UNC13C: variants seen among roughly 807,000 people sequenced by gnomAD.
UNC13C encodes unc-13 homolog C, also known as protein unc-13 homolog C.
In UNC13C, 174 loss-of-function variants were observed where a neutral mutation model predicts 245.4. The observed-to-expected ratio is 0.71, with a 90% CI of 0.63 to 0.80. UNC13C has a LOEUF of 0.80. Among genes scored for constraint, UNC13C ranks in the 30% least tolerant of loss-of-function variants. The probability of loss-of-function intolerance (pLI) is 0.00; values close to 1 mark genes in which losing one functional copy is unlikely to be tolerated. For synonymous variants in UNC13C, 992 were observed against 895.1 expected, an observed-to-expected ratio of 1.11 and a Z score of -1.93; for missense variants, 2,829 against 2,602.9, an observed-to-expected ratio of 1.09 and a Z score of -1.89.
chr15:54,549,624 T>C lies in UNC13C; in HGVS notation c.5821-11T>C. 2 of 1,595,984 alleles carry C rather than the reference T, an allele frequency of 1.3e-6. No individual in the cohort carries two copies. The highest frequency in any genetic ancestry group is 1.7e-6 in the Non-Finnish European group (2 of 1,170,986). ...AGACTGAGTCTTCTCTCACTTTTTC[T>C]TTGTTTCTAGGGACCCCAGATGATT... is the stretch of plus-strand genomic sequence containing the variant. On this transcript the variant is annotated splice_polypyrimidine_tract_variant and intron_variant, in intron 27 of 32. Coordinates refer to ENST00000260323, the MANE Select transcript of UNC13C (RefSeq NM_001080534.3).
rs902528063 is a variant in UNC13C, at chr15:53,978,449, C to A, written c.-735C>A. On this transcript the variant is annotated 5_prime_UTR_variant, in exon 1 of 33. Transcript: ENST00000260323. ...GTGCCGGTGCTGCATTCAGAAAAGA[C>A]TCAGCCGCAGCCGGCGATGTGTGAA... 6.6e-6 allele frequency among the ~76,000 whole-genome samples: 1 copy of A among 152,290 alleles called. No individual in the cohort carries two copies. Among genetic ancestry groups the A allele is most frequent in the African/African-American group, 2.4e-5 (1 of 41,564 alleles).
the UNC13C span, among the ~76,000 whole-genome samples, chr15:53,919,791 T>C: frequency 5.9e-5 from 9 of 152,218 alleles, no homozygotes; most frequent in African/African-American, 1.9e-4. Context: ...TAACATGCTA[T>C]AGGATTCTCA....
intron 30 of UNC13C, among the ~76,000 whole-genome samples, chr15:54,585,210 T>C (rs1444899922): frequency 6.6e-6 from 1 of 152,202 alleles, no homozygotes; most frequent in Non-Finnish European, 1.5e-5. Flanking sequence ...GGCAGGTGTT[T>C]GGGTCACGGG....
chr15:54,096,426 C>T (rs2414270), intron 2 of UNC13C, among the ~76,000 whole-genome samples: 35,749 of 151,922 alleles, frequency 0.24, 4,625 homozygotes, highest in African/African-American at 0.34. Context: ...ATATAGTATT[C>T]TGGAGCCTGT....
intron 16 of UNC13C, among the ~76,000 whole-genome samples, chr15:54,336,779 G>T (rs1250560664): frequency 6.6e-6 from 1 of 151,872 alleles, no homozygotes; most frequent in Non-Finnish European, 1.5e-5. Flanking sequence ...AAATTAAATT[G>T]ACCATATATG....
chr15:54,024,787 C>T (rs763451695), intron 2 of UNC13C, among the ~76,000 whole-genome samples: 3 of 152,006 alleles, frequency 2.0e-5, no homozygotes, highest in Middle Eastern at 3.2e-3. Context: ...TGGTCCCGGG[C>T]GCCTGTAGAC....
At chr15:54,457,202 C>G (rs1380631594) in intron 19 of UNC13C, among the ~76,000 whole-genome samples, 1 of 152,086 alleles carries the variant, frequency 6.6e-6, no homozygotes, top group Non-Finnish European at 1.5e-5. Flanking sequence ...ATATGTTAAA[C>G]CAACCCTCCA....
intron 4 of UNC13C, among the ~76,000 whole-genome samples, chr15:54,211,232 A>G (rs1387658240): frequency 6.6e-6 from 1 of 152,114 alleles, no homozygotes; most frequent in East Asian, 1.9e-4. Context: ...GTTCTAAGAA[A>G]GATACTGATT....
chr15:54,363,350 C>T (rs1318821107), intron 17 of UNC13C, among the ~76,000 whole-genome samples: 1 of 152,194 alleles, frequency 6.6e-6, no homozygotes, highest in East Asian at 1.9e-4. Context: ...CTCAGGTGAT[C>T]TGCCCACCTC....
intron 17 of UNC13C, among the ~76,000 whole-genome samples, chr15:54,344,578 C>T (rs1567203018): frequency 6.6e-6 from 1 of 152,050 alleles, no homozygotes; most frequent in Non-Finnish European, 1.5e-5. Context: ...CTAAAGGAAG[C>T]ATCCATTGGA....
chr15:54,471,624 C>T (rs1053912430), intron 19 of UNC13C, among the ~76,000 whole-genome samples: 32 of 151,310 alleles, frequency 2.1e-4, no homozygotes, highest in African/African-American at 6.5e-4. Flanking sequence ...ATGTAGGTAG[C>T]ATATAGGTAT....
chr15:54,567,457 A>G (rs1247727160), intron 29 of UNC13C, among the ~76,000 whole-genome samples: 1 of 152,186 alleles, frequency 6.6e-6, no homozygotes. Context: ...TTCAAGAAAC[A>G]GAAGTCAATA....
the UNC13C span, among the ~76,000 whole-genome samples, chr15:53,907,879 AAC>A: frequency 1.4e-5 from 2 of 146,566 alleles, 1 homozygote. Flanking sequence ...CAAAATAATA[AAC>A]AGAGCCATTT....
At chr15:53,899,014 T>A in the UNC13C span, among the ~76,000 whole-genome samples, 2 of 151,918 alleles carry the variant, frequency 1.3e-5, no homozygotes, top group Admixed American at 6.6e-5. Context: ...GTTTTGTGCT[T>A]ATCTCTACTG....
chr15:53,975,885 A>G (rs1893679569), upstream of UNC13C, among the ~76,000 whole-genome samples: 1 of 152,204 alleles, frequency 6.6e-6, no homozygotes, highest in Non-Finnish European at 1.5e-5. Context: ...GCATGTACCT[A>G]TGGATGGGGT....
the UNC13C span, chr15:53,911,538 C>G: frequency 1.3e-5 from 2 of 152,202 alleles, no homozygotes; most frequent in Non-Finnish European, 2.9e-5. Flanking sequence ...TCTGAAGGAG[C>G]TGATAGCATT....
At chr15:54,475,772 G>A (rs1295041688) in intron 19 of UNC13C, among the ~76,000 whole-genome samples, 4 of 121,634 alleles carry the variant, frequency 3.3e-5, no homozygotes, top group African/African-American at 5.9e-5. Flanking sequence ...AAACATACGT[G>A]TGCATGTGTC....
At chr15:54,504,585 G>A (rs1309240325) in intron 22 of UNC13C, among the ~76,000 whole-genome samples, 1 of 152,088 alleles carries the variant, frequency 6.6e-6, no homozygotes, top group East Asian at 1.9e-4. Flanking sequence ...TACCCTTAAG[G>A]TCAAACCTAG....
At chr15:53,841,508 A>G in the UNC13C span, among the ~76,000 whole-genome samples, 1 of 152,150 alleles carries the variant, frequency 6.6e-6, no homozygotes, top group East Asian at 1.9e-4. Context: ...GCCGGCAACT[A>G]ATAGACATTA....
Sources: allele counts gnomAD v4.1 joint callset (sites outside exome capture counted in the v4.1 genomes callset), GRCh38; gene constraint gnomAD v4.1.1; transcripts MANE v1.5; gene names NCBI Gene and HGNC (gene_info 2026-07-23, HGNC 2026-07-21).